The following HNF1B variants were observed in gnomAD, a reference collection of about 807,000 sequenced individuals.
HNF1B encodes HNF1 homeobox B, also known as hepatocyte nuclear factor 1-beta.
In HNF1B, 8 loss-of-function variants were observed where a neutral mutation model predicts 61.7. That is an observed-to-expected ratio of 0.13 (90% confidence interval 0.08 to 0.23). The LOEUF is 0.23. Ranked by LOEUF, HNF1B falls within the 10% of genes least tolerant of loss-of-function variation. The pLI, the probability that HNF1B is intolerant of heterozygous loss-of-function variation, is 1.00. For synonymous variants in HNF1B, 314 were observed against 287.7 expected (o/e 1.09, Z -0.93); for missense variants, 562 against 714.5 (o/e 0.79, Z 2.43).
At chr17:37,709,624 CATCTGG>C (rs1402595949) in intron 5 of HNF1B, among the ~76,000 whole-genome samples, 1 of 152,198 alleles carries the variant, frequency 6.6e-6, no homozygotes, top group Non-Finnish European at 1.5e-5. Flanking sequence ...GCTAAACTTG[CATCTGG>C]GTGTGGGGCT....
rs2033106944 is a variant in HNF1B, at chr17:37,716,272, A to C, written c.1046-5609T>G. Among the ~76,000 whole-genome samples, 4 of 152,118 alleles carry C rather than the reference A, an allele frequency of 2.6e-5. No homozygotes were observed. In the South Asian group the frequency reaches 8.3e-4, roughly 32 times the overall value. Reference sequence around the variant, plus strand: ...GAGTACAGTGGCGTAATCTCGGCTCACGGCAACCTTCGCCTCCCGGGCTCA... The same window carrying C: ...GAGTACAGTGGCGTAATCTCGGCTCCCGGCAACCTTCGCCTCCCGGGCTCA... On this transcript the variant is annotated intron_variant, in intron 4 of 8. Transcript: ENST00000617811.
rs1321127805 is a variant in HNF1B at position 37,732,708 on chromosome 17, A to C, written c.809+849T>G. On this transcript the variant is annotated intron_variant, in intron 3 of 8. Coordinates refer to ENST00000617811, the MANE Select transcript of HNF1B (RefSeq NM_000458.4). ...AAAAAAATAGCTGGGCCCTGTGGCT[A>C]GAGCCTGTAATCCCAGCTATTTAGG... Among the ~76,000 whole-genome samples the C allele has an allele frequency of 1.6e-4, 24 of 152,344 alleles. No homozygotes were observed. The East Asian group carries it at 4.6e-3, about 29-fold the overall frequency.
chr17:37,716,764 G>C (rs2033128607), intron 4 of HNF1B, among the ~76,000 whole-genome samples: 1 of 151,676 alleles, frequency 6.6e-6, no homozygotes, highest in African/African-American at 2.4e-5. Flanking sequence ...ATTTAATTCA[G>C]CTCTAAGAGC....
At chr17:37,717,482 A>G (rs1301392585) in intron 4 of HNF1B, among the ~76,000 whole-genome samples, 1 of 152,232 alleles carries the variant, frequency 6.6e-6, no homozygotes, top group African/African-American at 2.4e-5. Context: ...AAGCTCTTCC[A>G]AAAGGTAATA....
At chr17:37,716,104 G>A (rs930669138) in intron 4 of HNF1B, among the ~76,000 whole-genome samples, 9 of 152,154 alleles carry the variant, frequency 5.9e-5, no homozygotes, top group Admixed American at 1.3e-4. Flanking sequence ...AGCTGAGATC[G>A]TGCCACTGCA....
At chr17:37,721,815 T>C (rs540052258) in intron 4 of HNF1B, among the ~76,000 whole-genome samples, 1 of 151,862 alleles carries the variant, frequency 6.6e-6, no homozygotes, top group East Asian at 1.9e-4. Context: ...TATCTCAAGG[T>C]GTTTTATAGA....
Position 37,700,976 on chromosome 17 carries a change from T to C in HNF1B, c.1534+7A>G, listed in dbSNP as rs1217845155. ...TGCTCCCTCCCTCCACATGCCCGTGTCCTTACTGTGTGAGTTCTGCAGCTG... is the reference window on the plus strand; with the variant it reads ...TGCTCCCTCCCTCCACATGCCCGTGCCCTTACTGTGTGAGTTCTGCAGCTG... On this transcript the variant is annotated splice_region_variant and intron_variant, in intron 7 of 8. Transcript: ENST00000617811. 6.4e-7 allele frequency: 1 copy of C among 1,554,506 alleles called. No individual in the cohort carries two copies. Among genetic ancestry groups the C allele is most frequent in the Admixed American group, 1.9e-5 (1 of 51,824 alleles).
At chr17:37,725,658 A>C (rs2033471549) in intron 4 of HNF1B, among the ~76,000 whole-genome samples, 1 of 152,254 alleles carries the variant, frequency 6.6e-6, no homozygotes, top group South Asian at 2.1e-4. Context: ...ATTTCAAGGC[A>C]GGATTTGTCT....
intron 8 of HNF1B, among the ~76,000 whole-genome samples, chr17:37,692,058 A>T (rs1050785938): frequency 3.9e-5 from 6 of 152,322 alleles, no homozygotes; most frequent in Non-Finnish European, 8.8e-5. Context: ...CTAGCGGGGC[A>T]TTGTTGAACT....
chr17:37,733,458 T>C, intron 3 of HNF1B, 99 bp downstream of exon 3: 1 of 1,358,338 alleles, frequency 7.4e-7, no homozygotes, highest in Non-Finnish European at 1.1e-6. Flanking sequence ...TAGCCACACT[T>C]ATCTGTATAA....
intron 4 of HNF1B, among the ~76,000 whole-genome samples, chr17:37,715,724 T>C (rs1285713080): frequency 6.6e-6 from 1 of 152,246 alleles, no homozygotes; most frequent in Non-Finnish European, 1.5e-5. Flanking sequence ...GCACTTCTGA[T>C]GCCCACTTCC....
intron 8 of HNF1B, among the ~76,000 whole-genome samples, chr17:37,688,790 A>T (rs1366226871): frequency 6.6e-6 from 1 of 152,178 alleles, no homozygotes; most frequent in Non-Finnish European, 1.5e-5. Flanking sequence ...TCCTTGGCAC[A>T]ATTGTTATTA....
intron 4 of HNF1B, among the ~76,000 whole-genome samples, chr17:37,713,909 C>T (rs923995380): frequency 2.6e-5 from 4 of 152,192 alleles, no homozygotes; most frequent in African/African-American, 9.7e-5. Context: ...ACAAGGTGTA[C>T]ACCAAAAATA....
chr17:37,723,637 G>T (rs770786507), intron 4 of HNF1B, among the ~76,000 whole-genome samples: 14 of 152,120 alleles, frequency 9.2e-5, no homozygotes, highest in Non-Finnish European at 1.8e-4. Context: ...GCCTAAGTTT[G>T]CTGCAAACAC....
chr17:37,687,407 G>A lies in HNF1B; in HGVS notation c.1654-15C>T. 6.3e-7 allele frequency: 1 copy of A among 1,594,578 alleles called. No homozygotes were observed. The highest frequency in any genetic ancestry group is 8.6e-7 in the Non-Finnish European group (1 of 1,162,484). On this transcript the variant is annotated splice_polypyrimidine_tract_variant and intron_variant, in intron 8 of 8. Coordinates refer to ENST00000617811, the MANE Select transcript of HNF1B (RefSeq NM_000458.4). ...TGTAGAGGACACTGCAGAGAGAGAG[G>A]AGAGAGGGTGCTCAGCTGTGTCATT...
At chr17:37,721,393 C>T (rs2033309815) in intron 4 of HNF1B, among the ~76,000 whole-genome samples, 1 of 152,136 alleles carries the variant, frequency 6.6e-6, no homozygotes, top group Admixed American at 6.5e-5. Context: ...GCAAGCCTCC[C>T]TCTGCACTCC....
rs571692729 is a variant in HNF1B at position 37,739,697 on chromosome 17, C to A, written c.345-58G>T. On this transcript the variant is annotated intron_variant, in intron 1 of 8. Transcript: ENST00000617811. ...TGGGAGACATCTGGGGAGAAACATT[C>A]TTTTTCTAGGGGGTGCTACCTATGG... The A allele has an allele frequency of 1.1e-5, 16 of 1,417,706 alleles. No individual in the cohort carries two copies. The Admixed American group carries it at 1.2e-4, about 10-fold the overall frequency. 87.8% of individuals were successfully genotyped at this position (1,417,706 alleles called of 1,614,324 possible). A position where few individuals can be genotyped will look rare whatever the true frequency, so the allele number is the denominator to read the frequency against.
chr17:37,731,871 G>T, intron 3 of HNF1B, 41 bp from the exon 4 acceptor site: 2 of 1,317,398 alleles, frequency 1.5e-6, no homozygotes, highest in Non-Finnish European at 1.1e-6. Context: ...GAGGGGGGGC[G>T]GGGGGACTTG....
chr17:37,713,805 G>T (rs1005623236), intron 4 of HNF1B, among the ~76,000 whole-genome samples: 1 of 152,202 alleles, frequency 6.6e-6, no homozygotes. Flanking sequence ...TTCCCACGAT[G>T]CTCCTCTCAC....
Sources: allele counts gnomAD v4.1 joint callset (sites outside exome capture counted in the v4.1 genomes callset), GRCh38; gene constraint gnomAD v4.1.1; transcripts MANE v1.5; gene names NCBI Gene and HGNC (gene_info 2026-07-23, HGNC 2026-07-21).